The following PHACTR3 variants were observed in gnomAD, a reference collection of about 807,000 sequenced individuals.
The protein encoded by PHACTR3 is protein phosphatase 1, regulatory subunit 123.
In PHACTR3, 16 loss-of-function variants were observed where a neutral mutation model predicts 66.8. The observed-to-expected ratio is 0.24, with a 90% confidence interval of 0.16 to 0.36. PHACTR3 has a LOEUF of 0.36. Among genes scored for constraint, PHACTR3 ranks in the 10% least tolerant of loss-of-function variants. PHACTR3 has a pLI of 1.00. For missense variants in PHACTR3, 647 were observed against 719.9 expected (o/e 0.90, Z 1.16); for synonymous variants, 323 against 292.1 (o/e 1.11, Z -1.08).
At chr20:59,670,609 G>GCT (rs958469220) in intron 1 of PHACTR3, among the ~76,000 whole-genome samples, 1 of 136,692 alleles carries the variant, frequency 7.3e-6, no homozygotes, top group African/African-American at 2.6e-5. Flanking sequence ...CGGGGGTGGG[G>GCT]GGGGGGGGCA....
At chr20:59,773,529 G>A (rs2040427171) in intron 6 of PHACTR3, 76 bp downstream of exon 6, 5 of 1,439,686 alleles carry the variant, frequency 3.5e-6, no homozygotes, top group South Asian at 1.4e-5. Flanking sequence ...TGCAGCTCAT[G>A]CCACGCCCAG....
At chr20:59,777,011 T>A (rs2040562524) in intron 7 of PHACTR3, among the ~76,000 whole-genome samples, 1 of 152,200 alleles carries the variant, frequency 6.6e-6, no homozygotes. Flanking sequence ...TCTTCTGCAG[T>A]TCTAGAAGCT....
At chr20:59,685,845 G>A (rs1444982933) in intron 1 of PHACTR3, among the ~76,000 whole-genome samples, 1 of 152,220 alleles carries the variant, frequency 6.6e-6, no homozygotes, top group Non-Finnish European at 1.5e-5. Context: ...TCTGCCAGTG[G>A]GTTCTGCTTC....
rs567473070 is a variant in PHACTR3 at position 59,790,310 on chromosome 20, A to G, written c.1175-15731A>G. The stretch of plus-strand genomic sequence containing the variant: ...GCATCCTTTTTCTTCTCTAGAGAGT[A>G]TCTGAGACTGGTTCTAAAAGCAGTA... On this transcript the variant is annotated intron_variant, in intron 7 of 12. Coordinates refer to ENST00000371015, the MANE Select transcript of PHACTR3 (RefSeq NM_080672.5). 7.9e-5 allele frequency among the ~76,000 whole-genome samples: 12 copies of G among 152,250 alleles called. No individual in the cohort carries two copies. In the South Asian group the frequency reaches 1.9e-3, roughly 24 times the overall value.
Position 59,747,652 on chromosome 20 carries a change from T to G in PHACTR3, c.281-106T>G. ...CCCTAACCCCGAGGCGCCTGCTAGC[T>G]CAGTGTTTTTGGTCTGTAAACTTGA... On this transcript the variant is annotated intron_variant, in intron 2 of 12. Transcript: ENST00000371015. The G allele has an allele frequency of 4.6e-6, 6 of 1,317,406 alleles. No homozygotes were observed. In the South Asian group the frequency reaches 8.1e-5, roughly 18 times the overall value. The allele number at this position is 1,317,406 out of a possible 1,614,324, so 81.6% of individuals were successfully genotyped here.
chr20:59,668,216 A>G (rs150371273), intron 1 of PHACTR3, among the ~76,000 whole-genome samples: 192 of 151,808 alleles, frequency 1.3e-3, no homozygotes, highest in African/African-American at 4.5e-3. Flanking sequence ...AGAGGTGGAC[A>G]TGTATGCCTG....
At chr20:59,845,720 T>A (rs145461318) in intron 12 of PHACTR3, among the ~76,000 whole-genome samples, 66 of 152,244 alleles carry the variant, frequency 4.3e-4, no homozygotes, top group African/African-American at 1.5e-3. Flanking sequence ...TAAAGCTGAG[T>A]ATTTGTTTCC....
chr20:59,664,505 G>A (rs1375406298), intron 1 of PHACTR3, among the ~76,000 whole-genome samples: 1 of 152,126 alleles, frequency 6.6e-6, no homozygotes, highest in Admixed American at 6.5e-5. Flanking sequence ...TGCTGACCCT[G>A]TCTGGGTCCC....
At chr20:59,594,542 A>G (rs1434360180) in intron 1 of PHACTR3, among the ~76,000 whole-genome samples, 3 of 152,130 alleles carry the variant, frequency 2.0e-5, no homozygotes, top group African/African-American at 7.2e-5. Context: ...GAGTCGGTTC[A>G]TTTCATCTAG....
chr20:59,699,787 C>A (rs932317826), intron 1 of PHACTR3, among the ~76,000 whole-genome samples: 1 of 152,114 alleles, frequency 6.6e-6, no homozygotes, highest in Non-Finnish European at 1.5e-5. Flanking sequence ...CATGGTGAAA[C>A]CCCATCTCTA....
At chr20:59,696,673 T>C (rs1309608509) in intron 1 of PHACTR3, among the ~76,000 whole-genome samples, 1 of 152,174 alleles carries the variant, frequency 6.6e-6, no homozygotes, top group Non-Finnish European at 1.5e-5. Flanking sequence ...GCTCCTGCCC[T>C]GGCTCTGTCC....
intron 4 of PHACTR3, among the ~76,000 whole-genome samples, chr20:59,758,132 GC>G (rs34617842): frequency 0.72 from 109,420 of 152,002 alleles, 39,776 homozygotes; most frequent in South Asian, 0.82. Flanking sequence ...GGAGACTGGA[GC>G]CGTGCATGGT....
chr20:59,730,314 C>T (rs7352912), intron 1 of PHACTR3, among the ~76,000 whole-genome samples: 10,959 of 152,250 alleles, frequency 0.072, 624 homozygotes, highest in Non-Finnish European at 0.11. Context: ...AAAGTGTTGC[C>T]TCCAGAGGGA....
chr20:59,638,816 GGATGGGTA>G (rs1322972878), intron 1 of PHACTR3, among the ~76,000 whole-genome samples: 10 of 145,296 alleles, frequency 6.9e-5, no homozygotes, highest in South Asian at 2.3e-4. Context: ...ATGGACGAAT[GGATGGGTA>G]GATGGATGGA....
At chr20:59,800,745 G>T (rs1427635471) in intron 7 of PHACTR3, among the ~76,000 whole-genome samples, 4 of 152,164 alleles carry the variant, frequency 2.6e-5, no homozygotes, top group Admixed American at 2.6e-4. Flanking sequence ...TTGGGTGTTG[G>T]ATGTTTTTTG....
At chr20:59,769,586 G>A (rs925440109) in intron 5 of PHACTR3, among the ~76,000 whole-genome samples, 11 of 152,180 alleles carry the variant, frequency 7.2e-5, no homozygotes, top group African/African-American at 2.7e-4. Flanking sequence ...AGCCATACAC[G>A]CCTTGTCTGT....
intron 1 of PHACTR3, among the ~76,000 whole-genome samples, chr20:59,616,677 G>A (rs2034036854): frequency 6.6e-6 from 1 of 152,190 alleles, no homozygotes; most frequent in Admixed American, 6.5e-5. Flanking sequence ...ACCAGCCCCT[G>A]GGTTCCTTAG....
At chr20:59,666,410 C>T (rs1236762221) in intron 1 of PHACTR3, among the ~76,000 whole-genome samples, 1 of 152,182 alleles carries the variant, frequency 6.6e-6, no homozygotes, top group Non-Finnish European at 1.5e-5. Context: ...AGTCACAGGG[C>T]TGGAATGTCA....
intron 1 of PHACTR3, among the ~76,000 whole-genome samples, chr20:59,624,912 A>G (rs1182935648): frequency 1.3e-5 from 2 of 152,140 alleles, no homozygotes; most frequent in Admixed American, 6.5e-5. Context: ...TCAAGTTCAT[A>G]CTTTATTCCA....
Sources: allele counts gnomAD v4.1 joint callset (sites outside exome capture counted in the v4.1 genomes callset), GRCh38; gene constraint gnomAD v4.1.1; transcripts MANE v1.5; gene names NCBI Gene and HGNC (gene_info 2026-07-23, HGNC 2026-07-21).